Variants in PPP1R42 observed in about 807,000 individuals in gnomAD.
PPP1R42 encodes protein phosphatase 1 regulatory subunit 42.
PPP1R42 carries 34 observed loss-of-function variants against 31.0 expected under a neutral mutation model. The ratio of observed to expected loss-of-function variants is 1.10; its 90% CI spans 0.83 to 1.46. The LOEUF (loss-of-function observed/expected upper bound fraction) is 1.46, where lower values mean the gene tolerates loss of function less well. PPP1R42 is among the 40% of genes most tolerant of loss of function. PPP1R42 has a pLI of 0.00. For missense variants in PPP1R42, 268 were observed against 303.0 expected, an observed-to-expected ratio of 0.88 and a Z score of 0.86; for synonymous variants, 103 against 109.8, an observed-to-expected ratio of 0.94 and a Z score of 0.39.
At chr8:67,015,476 C>T (rs1359342893) in intron 2 of PPP1R42, among the ~76,000 whole-genome samples, 1 of 151,718 alleles carries the variant, frequency 6.6e-6, no homozygotes, top group African/African-American at 2.4e-5. Context: ...TGACCCACTA[C>T]TGTAAAATTA....
intron 5 of PPP1R42, among the ~76,000 whole-genome samples, chr8:67,003,963 G>A (rs1465343670): frequency 1.3e-5 from 2 of 152,092 alleles, no homozygotes; most frequent in African/African-American, 2.4e-5. Context: ...GGTGGCGGGC[G>A]CCTGTAGTCC....
chr8:66,967,081 A>G (rs945018874), intron 7 of PPP1R42, among the ~76,000 whole-genome samples: 9 of 152,132 alleles, frequency 5.9e-5, no homozygotes, highest in Non-Finnish European at 1.3e-4. Context: ...GGCTCAAGCA[A>G]TCCTCTCACC....
intron 6 of PPP1R42, chr8:66,985,843 C>T (rs1486545258): frequency 1.2e-5 from 15 of 1,206,942 alleles, no homozygotes; most frequent in African/African-American, 1.5e-5. Flanking sequence ...CTGATGGAGG[C>T]CCAGGGATCA....
At chr8:66,981,345 T>C (rs2130923232) in intron 7 of PPP1R42, among the ~76,000 whole-genome samples, 1 of 152,194 alleles carries the variant, frequency 6.6e-6, no homozygotes, top group South Asian at 2.1e-4. Context: ...GATATATTTT[T>C]ATTTTCTATC....
intron 5 of PPP1R42, among the ~76,000 whole-genome samples, chr8:66,990,965 GTCTTATAAA>G (rs1373765899): frequency 2.0e-5 from 3 of 152,136 alleles, no homozygotes; most frequent in Non-Finnish European, 2.9e-5. Flanking sequence ...GTTCATTTGT[GTCTTATAAA>G]TCAGATATTT....
chr8:67,019,992 T>C (rs1055775448), intron 1 of PPP1R42, among the ~76,000 whole-genome samples: 1 of 152,172 alleles, frequency 6.6e-6, no homozygotes, highest in Non-Finnish European at 1.5e-5. Flanking sequence ...CCAGGTCTCT[T>C]GGCTCCTTTT....
chr8:66,988,522 A>C lies in PPP1R42; in HGVS notation c.553-5T>G. The C allele has an allele frequency of 6.3e-7, 1 of 1,594,402 alleles. No individual in the cohort carries two copies. The highest frequency in any genetic ancestry group is 8.5e-7 in the Non-Finnish European group (1 of 1,173,980). ...GTTCAGTAAAAACTCCAAATCCTAT[A>C]ATTAGAGAAGAAAAAGCAAAGCACA... On this transcript the variant is annotated splice_region_variant and splice_polypyrimidine_tract_variant and intron_variant, in intron 5 of 7. Coordinates refer to ENST00000685739, the MANE Select transcript of PPP1R42 (RefSeq NM_001364910.1).
chr8:66,979,066 C>T (rs566557271), intron 7 of PPP1R42, among the ~76,000 whole-genome samples: 1 of 152,072 alleles, frequency 6.6e-6, no homozygotes, highest in South Asian at 2.1e-4. Flanking sequence ...TGACATAATC[C>T]CACTTGTTTA....
intron 5 of PPP1R42, among the ~76,000 whole-genome samples, chr8:66,990,604 A>G (rs947004323): frequency 6.6e-6 from 1 of 152,146 alleles, no homozygotes; most frequent in African/African-American, 2.4e-5. Context: ...AGCAAATTCT[A>G]TTTCCCCTGC....
chr8:67,001,370 C>T (rs957897359), intron 5 of PPP1R42, among the ~76,000 whole-genome samples: 10 of 149,604 alleles, frequency 6.7e-5, no homozygotes, highest in Non-Finnish European at 1.2e-4. Flanking sequence ...AAAAAAAATC[C>T]GGTCCTACTA....
chr8:66,972,833 A>G (rs890922431), intron 7 of PPP1R42, among the ~76,000 whole-genome samples: 14 of 152,206 alleles, frequency 9.2e-5, no homozygotes, highest in Non-Finnish European at 1.6e-4. Flanking sequence ...CACATCTGTT[A>G]TTTTCCCAAA....
At chr8:66,977,906 C>T (rs899025068) in intron 7 of PPP1R42, among the ~76,000 whole-genome samples, 1 of 152,190 alleles carries the variant, frequency 6.6e-6, no homozygotes, top group Non-Finnish European at 1.5e-5. Flanking sequence ...GCCTTGGCCT[C>T]CAAAAGCACT....
At chr8:67,003,287 A>T (rs1418376044) in intron 5 of PPP1R42, among the ~76,000 whole-genome samples, 5 of 139,462 alleles carry the variant, frequency 3.6e-5, no homozygotes, top group Admixed American at 7.1e-5. Context: ...TATATTTATA[A>T]TTTTTTTTTA....
At chr8:66,992,440 C>T (rs762713921) in intron 5 of PPP1R42, among the ~76,000 whole-genome samples, 3 of 152,156 alleles carry the variant, frequency 2.0e-5, no homozygotes, top group Non-Finnish European at 4.4e-5. Flanking sequence ...AAACATCTAA[C>T]TAATAGAACA....
intron 1 of PPP1R42, among the ~76,000 whole-genome samples, chr8:67,024,708 A>C (rs954728938): frequency 6.6e-6 from 1 of 151,140 alleles, no homozygotes; most frequent in Non-Finnish European, 1.5e-5. Context: ...CCATCTCCAG[A>C]CCTCGTGATC....
Sources: allele counts gnomAD v4.1 joint callset (sites outside exome capture counted in the v4.1 genomes callset), GRCh38; gene constraint gnomAD v4.1.1; transcripts MANE v1.5; gene names NCBI Gene and HGNC (gene_info 2026-07-23, HGNC 2026-07-21).